KAT2B: variants seen among roughly 807,000 people sequenced by gnomAD.
The protein encoded by KAT2B is lysine acetyltransferase 2B.
In KAT2B, 36 loss-of-function variants were observed where a neutral mutation model predicts 105.9. The ratio of observed to expected loss-of-function variants is 0.34; its 90% CI spans 0.26 to 0.45. The LOEUF is 0.45. Among genes scored for constraint, KAT2B ranks in the 20% least tolerant of loss-of-function variants. KAT2B has a pLI of 1.00. For missense variants in KAT2B, 820 were observed against 1,021.6 expected (o/e 0.80, Z 2.69); for synonymous variants, 397 against 377.9 (o/e 1.05, Z -0.59).
At chr3:20,109,173 T>G (rs1195065864) in intron 5 of KAT2B, among the ~76,000 whole-genome samples, 2 of 152,174 alleles carry the variant, frequency 1.3e-5, no homozygotes, top group African/African-American at 4.8e-5. Context: ...TTACAGATAG[T>G]CTTGTGATTG....
intron 5 of KAT2B, among the ~76,000 whole-genome samples, chr3:20,109,054 G>T (rs1434937348): frequency 6.6e-6 from 1 of 152,170 alleles, no homozygotes; most frequent in Non-Finnish European, 1.5e-5. Flanking sequence ...ATCTAGGTTT[G>T]TGTAGGTACA....
At chr3:20,108,700 A>G (rs1699065838) in intron 5 of KAT2B, among the ~76,000 whole-genome samples, 1 of 151,654 alleles carries the variant, frequency 6.6e-6, no homozygotes, top group Admixed American at 6.6e-5. Flanking sequence ...ATGGTCCACC[A>G]TAGGTCCGTG....
At position 20,047,695 on chromosome 3, in the gene KAT2B, C is replaced by A. The variant is rs773085565; in HGVS notation, c.303+6915C>A. ...TGGTGTGATCTCAGTTTACTGCAGC[C>A]TCCACCTCCCGGGTTCAAGCAATTT... On this transcript the variant is annotated intron_variant, in intron 1 of 17. Coordinates refer to ENST00000263754, the MANE Select transcript of KAT2B (RefSeq NM_003884.5). Among the ~76,000 whole-genome samples, 33 of 150,944 alleles carry A rather than the reference C, an allele frequency of 2.2e-4. 1 individual carries two copies. In the South Asian group the frequency reaches 5.0e-3, roughly 23 times the overall value.
At chr3:20,079,856 C>T (rs960699250) in intron 2 of KAT2B, among the ~76,000 whole-genome samples, 3 of 152,140 alleles carry the variant, frequency 2.0e-5, no homozygotes, top group Non-Finnish European at 2.9e-5. Context: ...CTTTCAGATG[C>T]CGGTTTCAGA....
At chr3:20,048,837 T>G (rs868341958) in intron 1 of KAT2B, among the ~76,000 whole-genome samples, 6 of 152,282 alleles carry the variant, frequency 3.9e-5, no homozygotes, top group Middle Eastern at 3.4e-3. Flanking sequence ...AATCCTTGCT[T>G]CTTTCCCTCT....
At chr3:20,130,685 C>G (rs968385063) in intron 11 of KAT2B, among the ~76,000 whole-genome samples, 5 of 152,146 alleles carry the variant, frequency 3.3e-5, no homozygotes, top group Admixed American at 6.5e-5. Flanking sequence ...AATTCCCCCC[C>G]ATAACCATGT....
intron 8 of KAT2B, among the ~76,000 whole-genome samples, chr3:20,121,616 G>A (rs990716697): frequency 6.6e-6 from 1 of 151,984 alleles, no homozygotes; most frequent in African/African-American, 2.4e-5. Context: ...GATAAAGTGT[G>A]TCATTTTATA....
Position 20,040,609 on chromosome 3 carries a change from T to G in KAT2B, c.132T>G (p.Ala44=), listed in dbSNP as rs1575098672. 1 of 1,302,568 alleles carries G rather than the reference T, an allele frequency of 7.7e-7. No homozygotes were observed. The highest frequency in any genetic ancestry group is 4.2e-5 in the Admixed American group (1 of 23,654). 80.7% of individuals were successfully genotyped at this position (1,302,568 alleles called of 1,614,324 possible). ...CCCCGCAGGGCTCCCCCTGCGCCGC[T>G]GCCGCCGGGGGCTCGGGCGCCTGCG... is the stretch of plus-strand genomic sequence containing the variant. ...PAPPQGSPCA[A]AAGGSGACGP... The change falls in exon 1 of 18, where the codon GCT becomes GCG. Residue 44 remains alanine, a synonymous_variant. Transcript: ENST00000263754.
chr3:20,127,870 A>G (rs528374542), intron 11 of KAT2B, among the ~76,000 whole-genome samples: 2 of 152,170 alleles, frequency 1.3e-5, no homozygotes, highest in Admixed American at 6.5e-5. Flanking sequence ...ATAGTTCACA[A>G]TGGGGTTTGC....
chr3:20,084,110 G>C (rs1332435869), intron 2 of KAT2B, among the ~76,000 whole-genome samples: 1 of 152,164 alleles, frequency 6.6e-6, no homozygotes, highest in Non-Finnish European at 1.5e-5. Flanking sequence ...GGGCTACATT[G>C]GAGGGTCTGA....
At chr3:20,067,305 C>T (rs749111004) in intron 1 of KAT2B, among the ~76,000 whole-genome samples, 3 of 151,854 alleles carry the variant, frequency 2.0e-5, no homozygotes, top group East Asian at 1.9e-4. Flanking sequence ...TCAACACGTG[C>T]GGTTAATATT....
At chr3:20,123,575 C>T (rs1699349157) in intron 9 of KAT2B, among the ~76,000 whole-genome samples, 1 of 152,224 alleles carries the variant, frequency 6.6e-6, no homozygotes, top group Non-Finnish European at 1.5e-5. Context: ...AGTTTGCTGA[C>T]CTCTGGCCTA....
intron 1 of KAT2B, among the ~76,000 whole-genome samples, chr3:20,054,692 T>C (rs991197011): frequency 3.9e-5 from 6 of 152,212 alleles, no homozygotes; most frequent in African/African-American, 1.4e-4. Context: ...TCATAGTGAT[T>C]GATGGTGGCA....
Position 20,040,552 on chromosome 3 carries a change from GC to G in KAT2B, c.80del (p.Pro27ArgfsTer51). 1.9e-6 allele frequency: 2 copies of G among 1,035,338 alleles called. No homozygotes were observed. Among genetic ancestry groups the G allele is most frequent in the Non-Finnish European group, 1.2e-6 (1 of 859,012 alleles). 64.1% of individuals were successfully genotyped at this position (1,035,338 alleles called of 1,614,324 possible). A position where few individuals can be genotyped will look rare whatever the true frequency, so the allele number is the denominator to read the frequency against. ...GGGCAGGGGCCGGGCCCGGGGCGCT[GC>G]CCCCGCAGCCTGCGGCGCTTCCGCC... ...AGAGAGPGAL[P>X]PQPAALPPAP... is the part of the protein sequence containing the mutation. On this transcript the variant is annotated frameshift_variant, in exon 1 of 18. Transcript: ENST00000263754. LOFTEE classifies it high-confidence loss of function.
intron 1 of KAT2B, among the ~76,000 whole-genome samples, chr3:20,046,563 A>C (rs539773579): frequency 1.4e-3 from 214 of 152,278 alleles, no homozygotes; most frequent in African/African-American, 5.0e-3. Flanking sequence ...ACCTTGTCTC[A>C]AAATAATAAT....
chr3:20,152,713 CAT>C lies in KAT2B; in HGVS notation c.*189_*190del. 1 of 458,454 alleles carries C rather than the reference CAT, an allele frequency of 2.2e-6. No individual in the cohort carries two copies. Among genetic ancestry groups the C allele is most frequent in the Non-Finnish European group, 3.9e-6 (1 of 256,056 alleles). 28.4% of individuals were successfully genotyped at this position (458,454 alleles called of 1,614,324 possible). ...ATGTATTTAAATTGAAGTCATAGGA[CAT>C]TTTTATTTTATGGAATAGATTTTAA... On this transcript the variant is annotated 3_prime_UTR_variant, in exon 18 of 18. Coordinates refer to ENST00000263754, the MANE Select transcript of KAT2B (RefSeq NM_003884.5).
At chr3:20,124,192 T>G (rs757831242) in intron 9 of KAT2B, among the ~76,000 whole-genome samples, 1 of 152,144 alleles carries the variant, frequency 6.6e-6, no homozygotes, top group Non-Finnish European at 1.5e-5. Flanking sequence ...TGAGTTTAGG[T>G]TTTTTTCAGC....
In KAT2B at chr3:20,094,837, T is replaced by C. The variant is rs138653461; in HGVS notation, c.431-426T>C. Among the ~76,000 whole-genome samples, 451 of 152,264 alleles carry C rather than the reference T, an allele frequency of 3.0e-3. 1 individual carries two copies. Among genetic ancestry groups the C allele is most frequent in the Non-Finnish European group, 4.4e-3 (301 of 68,024 alleles). Reference sequence around the variant, plus strand: ...ACTTAGAGCTATACCTTTAGGGAGCTTGGTTTTCTGCATCTCTGAACCACC... The same window carrying C: ...ACTTAGAGCTATACCTTTAGGGAGCCTGGTTTTCTGCATCTCTGAACCACC... On this transcript the variant is annotated intron_variant, in intron 2 of 17. Transcript: ENST00000263754.
intron 6 of KAT2B, among the ~76,000 whole-genome samples, chr3:20,114,517 G>A (rs972514955): frequency 2.1e-5 from 3 of 145,394 alleles, no homozygotes; most frequent in African/African-American, 5.3e-5. Flanking sequence ...GCAAGCACTC[G>A]ATAAATATTA....
Sources: gnomAD v4.1 joint callset for allele counts (sites outside exome capture counted in the v4.1 genomes callset) on GRCh38, gnomAD v4.1.1 for gene constraint, MANE v1.5 for transcripts, NCBI Gene and HGNC (gene_info 2026-07-23, HGNC 2026-07-21) for gene names.